The following ATR variants were observed in gnomAD, a reference collection of about 807,000 sequenced individuals.
ATR encodes the protein ATR checkpoint kinase.
ATR carries 142 observed loss-of-function variants against 305.3 expected under a neutral mutation model. The observed-to-expected ratio is 0.47, with a 90% CI of 0.41 to 0.53. The LOEUF (loss-of-function observed/expected upper bound fraction) is 0.53, where lower values mean the gene tolerates loss of function less well. ATR is among the 20% of genes least tolerant of loss of function. The pLI is 0.00. For missense variants in ATR, 2,135 were observed against 3,133.1 expected (o/e 0.68, Z 7.60); for synonymous variants, 1,050 against 1,068.1 (o/e 0.98, Z 0.33).
At chr3:142,514,771 G>A (rs530179629) in intron 25 of ATR, among the ~76,000 whole-genome samples, 107 of 135,646 alleles carry the variant, frequency 7.9e-4, no homozygotes, top group African/African-American at 3.0e-3. Flanking sequence ...TCGCACCACT[G>A]CACTCCGGCT....
intron 35 of ATR, among the ~76,000 whole-genome samples, chr3:142,485,691 T>A (rs1227394676): frequency 2.6e-5 from 4 of 152,178 alleles, no homozygotes; most frequent in Non-Finnish European, 4.4e-5. Flanking sequence ...AGAAGTAATA[T>A]CAAGTCTCTA....
At chr3:142,543,905 A>C (rs996204561) in intron 16 of ATR, among the ~76,000 whole-genome samples, 2 of 152,008 alleles carry the variant, frequency 1.3e-5, no homozygotes, top group Non-Finnish European at 2.9e-5. Flanking sequence ...TCCTGGGCTC[A>C]AGCAATCCTC....
In ATR at chr3:142,497,209, C is replaced by T. The variant is rs746324583; in HGVS notation, c.5559-17G>A. ...ATGTGCAATCTGAAGATAGATAGAG[C>T]CTATGTTAAAATGTTATCATATTCA... On this transcript the variant is annotated splice_polypyrimidine_tract_variant and intron_variant, in intron 32 of 46. Coordinates refer to ENST00000350721, the MANE Select transcript of ATR (RefSeq NM_001184.4). 5.0e-6 allele frequency: 8 copies of T among 1,611,960 alleles called. No homozygotes were observed. The highest frequency in any genetic ancestry group is 2.2e-5 in the East Asian group (1 of 44,872).
intron 45 of ATR, among the ~76,000 whole-genome samples, chr3:142,456,545 C>T (rs1189233714): frequency 1.3e-5 from 2 of 151,618 alleles, no homozygotes; most frequent in African/African-American, 4.8e-5. Context: ...GCACTCCAGA[C>T]TGGGTGACAG....
intron 36 of ATR, among the ~76,000 whole-genome samples, chr3:142,471,208 C>T (rs1342780143): frequency 1.3e-5 from 2 of 152,128 alleles, no homozygotes; most frequent in African/African-American, 4.8e-5. Flanking sequence ...CAGTATTTGT[C>T]CTTTTTGTGA....
At chr3:142,503,113 C>T (rs187279012) in intron 30 of ATR, among the ~76,000 whole-genome samples, 2 of 152,052 alleles carry the variant, frequency 1.3e-5, no homozygotes, top group East Asian at 3.8e-4. Flanking sequence ...CACCAATAGC[C>T]AGTGGGTTCT....
Position 142,537,225 on chromosome 3 carries a change from A to T in ATR, c.3726-1024T>A, listed in dbSNP as rs150130031. 6.3e-4 allele frequency among the ~76,000 whole-genome samples: 90 copies of T among 142,802 alleles called. 1 individual carries two copies. The East Asian group carries it at 0.016, about 26-fold the overall frequency. 93.7% of individuals were successfully genotyped at this position (142,802 alleles called of 152,430 possible). On this transcript the variant is annotated intron_variant, in intron 19 of 46. Transcript: ENST00000350721. ...CCTGCCTCAGCCTGCAGTAGCTAGGATTACAGGCTCTTTTTGCTTTTTTTT... is the reference window on the plus strand; with the variant it reads ...CCTGCCTCAGCCTGCAGTAGCTAGGTTTACAGGCTCTTTTTGCTTTTTTTT...
intron 35 of ATR, 79 bp downstream of exon 35, chr3:142,493,053 C>T (rs1222006444): frequency 1.3e-6 from 2 of 1,484,892 alleles, no homozygotes; most frequent in Admixed American, 2.1e-5. Context: ...TATTTTTATA[C>T]ATGTGCTTTG....
At position 142,538,543 on chromosome 3, in the gene ATR, G is replaced by T; in HGVS notation, c.3664C>A (p.Leu1222Ile). 1.2e-6 allele frequency: 2 copies of T among 1,613,526 alleles called. No homozygotes were observed. The highest frequency in any genetic ancestry group is 1.7e-5 in the Admixed American group (1 of 59,970). ...GTTTCTTTAGGCTGGATGTGTATAAGAGGTAACAAAGCTACTATTACATGA... is the reference window on the plus strand; with the variant it reads ...GTTTCTTTAGGCTGGATGTGTATAATAGGTAACAAAGCTACTATTACATGA... Reference protein sequence around the residue: ...LSHVIVALLPLIHIQPKETAA... With the variant: ...LSHVIVALLPIIHIQPKETAA... The change falls in exon 19 of 47, where the codon CTT becomes ATT. Residue 1222 changes from leucine to isoleucine, a missense_variant. Physicochemically the swap from Leu to Ile is conservative, Grantham distance 5. Around this residue, in one of 9 missense-constraint regions of ATR, gnomAD observed 530 missense variants for 766.8 expected, o/e 0.69. Coordinates refer to ENST00000350721, the MANE Select transcript of ATR (RefSeq NM_001184.4).
intron 36 of ATR, among the ~76,000 whole-genome samples, chr3:142,479,558 T>C (rs2030252688): frequency 6.6e-6 from 1 of 152,174 alleles, no homozygotes; most frequent in African/African-American, 2.4e-5. Flanking sequence ...ATCTGACAAT[T>C]ATGTGTCTTG....
Position 142,449,259 on chromosome 3 carries a change from TTAA to T in ATR, c.*167_*169del, listed in dbSNP as rs1443255787. 2 of 626,726 alleles carry T rather than the reference TTAA, an allele frequency of 3.2e-6. No individual in the cohort carries two copies. The highest frequency in any genetic ancestry group is 2.2e-5 in the South Asian group (1 of 46,012). The allele number at this position is 626,726 out of a possible 1,614,324, so 38.8% of individuals were successfully genotyped here. On this transcript the variant is annotated 3_prime_UTR_variant, in exon 47 of 47. Coordinates refer to ENST00000350721, the MANE Select transcript of ATR (RefSeq NM_001184.4). Reference sequence around the variant, plus strand: ...ATGTATTAAGAAAGCAGTTTATTTCTTAATAACTGAATGTATATTATTTTACAT... The same window carrying T: ...ATGTATTAAGAAAGCAGTTTATTTCTTAACTGAATGTATATTATTTTACAT...
chr3:142,498,711 T>A lies in ATR; in HGVS notation c.5444A>T (p.Asp1815Val). Residue 1815 changes from aspartate to valine, a missense_variant, in exon 32 of 47, where the codon GAT (aspartate) becomes GTT (valine). This residue lies in a region of ATR where 117 missense variants were observed against 198.3 expected (regional missense o/e 0.59). Coordinates refer to ENST00000350721, the MANE Select transcript of ATR (RefSeq NM_001184.4). ...GQLLLSAKKR[D>V]ITAFYDSLKL... ...CAGTGAGTCATAAAAAGCTGTGATA[T>A]CTCTTTTTTTGGCTGATAATAATAG... 1 of 1,613,990 alleles carries A rather than the reference T, an allele frequency of 6.2e-7. No homozygotes were observed. The highest frequency in any genetic ancestry group is 8.5e-7 in the Non-Finnish European group (1 of 1,179,916).
At chr3:142,503,557 T>C in intron 29 of ATR, 104 bp from the exon 30 acceptor site, 1 of 546,364 alleles carries the variant, frequency 1.8e-6, no homozygotes, top group East Asian at 3.5e-5. Context: ...ATTTACCTTA[T>C]TGCCCTTATT....
intron 17 of ATR, 120 bp downstream of exon 17, chr3:142,542,545 C>A: frequency 1.1e-6 from 1 of 947,022 alleles, no homozygotes; most frequent in Non-Finnish European, 1.7e-6. Flanking sequence ...ATGAGTTCTT[C>A]AGCAATAGAG....
At position 142,548,599 on chromosome 3, in the gene ATR, G is replaced by T. The variant is rs554711006; in HGVS notation, c.3172-689C>A. 6.5e-4 allele frequency among the ~76,000 whole-genome samples: 99 copies of T among 151,732 alleles called. 2 individuals are homozygous for T. The highest frequency in any genetic ancestry group is 2.3e-3 in the African/African-American group (95 of 41,364). ...CAGGAGAATCGCTTGAACCCAGGAG[G>T]TGGAGGTTGCAGTGAGCCGAGATCG... is the stretch of plus-strand genomic sequence containing the variant. On this transcript the variant is annotated intron_variant, in intron 15 of 46. Transcript: ENST00000350721.
intron 42 of ATR, among the ~76,000 whole-genome samples, chr3:142,461,173 A>C (rs1287723588): frequency 6.6e-6 from 1 of 152,132 alleles, no homozygotes; most frequent in Non-Finnish European, 1.5e-5. Context: ...TATAATTGTT[A>C]AGTATCTGAT....
chr3:142,565,225 T>C (rs567904745), intron 3 of ATR, among the ~76,000 whole-genome samples: 1 of 152,050 alleles, frequency 6.6e-6, no homozygotes, highest in Non-Finnish European at 1.5e-5. Context: ...GAACACTTAG[T>C]ACTAAGAGAG....
At position 142,512,505 on chromosome 3, in the gene ATR, A is replaced by T; in HGVS notation, c.4642-35T>A. On this transcript the variant is annotated intron_variant, in intron 26 of 46. Transcript: ENST00000350721. ...TCATTTATAATTAATAATAATATCT[A>T]TATAATACCATTTAACTATTATATG... The T allele has an allele frequency of 2.3e-5, 33 of 1,451,960 alleles. 1 individual carries two copies. Among genetic ancestry groups the T allele is most frequent in the Non-Finnish European group, 3.1e-5 (33 of 1,067,562 alleles). The allele number at this position is 1,451,960 out of a possible 1,614,324, so 89.9% of individuals were successfully genotyped here.
intron 25 of ATR, among the ~76,000 whole-genome samples, chr3:142,515,043 GTATAA>G (rs1394284790): frequency 1.3e-5 from 2 of 151,968 alleles, no homozygotes; most frequent in African/African-American, 4.8e-5. Flanking sequence ...TGCTATTAGA[GTATAA>G]TATATCTCTT....
Sources: gnomAD v4.1 joint callset for allele counts (sites outside exome capture counted in the v4.1 genomes callset) on GRCh38, gnomAD v4.1.1 for gene constraint, gnomAD v4.1.1 regional missense constraint, MANE v1.5 for transcripts, NCBI Gene and HGNC (gene_info 2026-07-23, HGNC 2026-07-21) for gene names.